Variants in SHISA9 observed in about 807,000 individuals in gnomAD.
SHISA9 encodes protein shisa-9.
Under a neutral mutation model 38.0 loss-of-function variants are expected in SHISA9, and 13 were observed. The ratio of observed to expected loss-of-function variants is 0.34; its 90% CI spans 0.22 to 0.54. The LOEUF is 0.54. Ranked by LOEUF, SHISA9 falls within the 20% of genes least tolerant of loss-of-function variation. The probability of loss-of-function intolerance (pLI) is 0.91; values close to 1 mark genes in which losing one functional copy is unlikely to be tolerated. For missense variants in SHISA9, 538 were observed against 575.8 expected, an observed-to-expected ratio of 0.93 and a Z score of 0.67; for synonymous variants, 275 against 242.0, an observed-to-expected ratio of 1.14 and a Z score of -1.27.
intron 2 of SHISA9, among the ~76,000 whole-genome samples, chr16:12,993,102 G>C (rs983929541): frequency 6.6e-6 from 1 of 152,226 alleles, no homozygotes; most frequent in East Asian, 1.9e-4. Flanking sequence ...CTCTAAAAGA[G>C]ATGACAAGTT....
At chr16:13,304,367 C>T in the SHISA9 span, among the ~76,000 whole-genome samples, 64 of 152,350 alleles carry the variant, frequency 4.2e-4, no homozygotes, top group African/African-American at 1.4e-3. Flanking sequence ...TCAGGTGAAC[C>T]TCCCACCTCA....
At chr16:13,424,045 T>A in the SHISA9 span, among the ~76,000 whole-genome samples, 2 of 152,238 alleles carry the variant, frequency 1.3e-5, no homozygotes, top group African/African-American at 2.4e-5. Context: ...AGGCAATTGA[T>A]TTGTAACCAA....
chr16:13,409,990 C>G, the SHISA9 span, among the ~76,000 whole-genome samples: 1 of 152,176 alleles, frequency 6.6e-6, no homozygotes, highest in African/African-American at 2.4e-5. Context: ...AGCGCAGTGT[C>G]CCGCATATAA....
At chr16:13,033,417 C>G (rs1040812515) in intron 2 of SHISA9, among the ~76,000 whole-genome samples, 4 of 152,180 alleles carry the variant, frequency 2.6e-5, no homozygotes, top group African/African-American at 9.6e-5. Context: ...GATTCTATTT[C>G]CTACTCTGTG....
the SHISA9 span, among the ~76,000 whole-genome samples, chr16:13,365,772 TTCTAA>T: frequency 6.6e-6 from 1 of 152,156 alleles, no homozygotes; most frequent in Non-Finnish European, 1.5e-5. Flanking sequence ...GAGAGTATAC[TTCTAA>T]TCTTCACATC....
intron 4 of SHISA9, among the ~76,000 whole-genome samples, chr16:13,226,752 T>C (rs2051283358): frequency 1.3e-5 from 2 of 152,212 alleles, no homozygotes; most frequent in African/African-American, 4.8e-5. Context: ...ATGGCCTCAC[T>C]GAACATACTG....
chr16:13,521,161 G>C, the SHISA9 span, among the ~76,000 whole-genome samples: 1 of 152,104 alleles, frequency 6.6e-6, no homozygotes, highest in East Asian at 1.9e-4. Context: ...TTCCACACCT[G>C]ATCATTACTG....
At chr16:13,418,270 G>C in the SHISA9 span, among the ~76,000 whole-genome samples, 2 of 152,066 alleles carry the variant, frequency 1.3e-5, no homozygotes, top group African/African-American at 4.8e-5. Flanking sequence ...CCCAAACTTA[G>C]TGGCATGAAA....
the SHISA9 span, among the ~76,000 whole-genome samples, chr16:13,505,413 T>C: frequency 1.3e-5 from 2 of 152,172 alleles, no homozygotes; most frequent in South Asian, 4.1e-4. Context: ...TTCATCTGGA[T>C]TAACAAGTGG....
the SHISA9 span, among the ~76,000 whole-genome samples, chr16:13,373,799 C>G: frequency 1.3e-5 from 2 of 151,212 alleles, no homozygotes; most frequent in African/African-American, 4.9e-5. Context: ...GACGATAGTG[C>G]CACCCCAAAA....
At chr16:13,109,364 G>A (rs897662372) in intron 2 of SHISA9, among the ~76,000 whole-genome samples, 2 of 152,004 alleles carry the variant, frequency 1.3e-5, no homozygotes, top group Non-Finnish European at 2.9e-5. Context: ...GCCCAACTTG[G>A]CTTATTACTC....
At chr16:13,380,669 G>A in the SHISA9 span, among the ~76,000 whole-genome samples, 1 of 151,920 alleles carries the variant, frequency 6.6e-6, no homozygotes, top group Non-Finnish European at 1.5e-5. Context: ...TTAAAACTTG[G>A]CATTTTATTA....
At position 12,931,512 on chromosome 16, in the gene SHISA9, C is replaced by A. The variant is rs2071461531; in HGVS notation, c.691+14697C>A. Among the ~76,000 whole-genome samples, 3 of 152,300 alleles carry A rather than the reference C, an allele frequency of 2.0e-5. No homozygotes were observed. In the South Asian group the frequency reaches 6.2e-4, roughly 32 times the overall value. Reference sequence around the variant, plus strand: ...GTCCATGTCTACCCAGTATTTAGATCCCACTTATAAGTGAGAACATGTGGT... The same window carrying A: ...GTCCATGTCTACCCAGTATTTAGATACCACTTATAAGTGAGAACATGTGGT... On this transcript the variant is annotated intron_variant, in intron 2 of 4. Transcript: ENST00000558583.
chr16:13,062,946 C>A (rs796488696), intron 2 of SHISA9, among the ~76,000 whole-genome samples: 1 of 147,396 alleles, frequency 6.8e-6, no homozygotes, highest in Non-Finnish European at 1.5e-5. Context: ...GATGCACTTG[C>A]CTGGGCGTGC....
chr16:13,273,076 C>T, the SHISA9 span, among the ~76,000 whole-genome samples: 12 of 152,160 alleles, frequency 7.9e-5, no homozygotes, highest in African/African-American at 2.4e-4. Flanking sequence ...AGAATTGGTA[C>T]ATTTCACCCC....
intron 2 of SHISA9, among the ~76,000 whole-genome samples, chr16:13,116,296 C>A (rs185278008): frequency 2.6e-5 from 4 of 152,280 alleles, no homozygotes; most frequent in Admixed American, 2.6e-4. Context: ...ATGAAGATGT[C>A]AGTGCCCCAG....
At chr16:12,937,468 G>A (rs927901139) in intron 2 of SHISA9, among the ~76,000 whole-genome samples, 1 of 152,140 alleles carries the variant, frequency 6.6e-6, no homozygotes. Context: ...TTAATAGTGG[G>A]CATATTAGTC....
intron 4 of SHISA9, among the ~76,000 whole-genome samples, chr16:13,220,748 G>A (rs2051215849): frequency 6.7e-6 from 1 of 148,618 alleles, no homozygotes. Context: ...CCCTGTGTGG[G>A]AATCGGTGGG....
chr16:12,928,706 T>C (rs2141738657), intron 2 of SHISA9, among the ~76,000 whole-genome samples: 1 of 152,332 alleles, frequency 6.6e-6, no homozygotes, highest in Admixed American at 6.5e-5. Context: ...AACCCTTGAA[T>C]TGGAAGTTGT....
Sources: gnomAD v4.1 joint callset for allele counts (sites outside exome capture counted in the v4.1 genomes callset) on GRCh38, gnomAD v4.1.1 for gene constraint, MANE v1.5 for transcripts, NCBI Gene and HGNC (gene_info 2026-07-23, HGNC 2026-07-21) for gene names.